The following STX1A variants were observed in gnomAD, a reference collection of about 807,000 sequenced individuals.
STX1A encodes syntaxin 1A.
STX1A carries 4 observed loss-of-function variants against 37.8 expected under a neutral mutation model. The ratio of observed to expected loss-of-function variants is 0.11; its 90% CI spans 0.05 to 0.24. The LOEUF (loss-of-function observed/expected upper bound fraction) is 0.24. Ranked by LOEUF, STX1A falls within the 10% of genes least tolerant of loss-of-function variation. The pLI is 1.00. For synonymous variants in STX1A, 135 were observed against 147.4 expected (o/e 0.92, Z 0.61); for missense variants, 251 against 399.9 (o/e 0.63, Z 3.18).
intron 7 of STX1A, 89 bp downstream of exon 7, chr7:73,703,666 C>T (rs1798750778): frequency 3.4e-6 from 5 of 1,468,470 alleles, no homozygotes; most frequent in Middle Eastern, 1.8e-4. Context: ...GGTCTGTGTC[C>T]AAATACTGTC....
chr7:73,700,926 C>T lies in STX1A; in HGVS notation c.679-86G>A. The stretch of plus-strand genomic sequence containing the variant: ...CGGGGCAGGACTTCAGGAAAGCACC[C>T]TGAGGCTAGAGACAAAAAGGGGGCG... On this transcript the variant is annotated intron_variant, in intron 8 of 9. Transcript: ENST00000222812. The surrounding 1 kb of genome is among the most constrained non-coding windows in gnomAD (Gnocchi z 4.4). 7 of 1,581,248 alleles carry T rather than the reference C, an allele frequency of 4.4e-6. No homozygotes were observed. Among genetic ancestry groups the T allele is most frequent in the Non-Finnish European group, 6.0e-6 (7 of 1,168,570 alleles).
chr7:73,703,086 G>A (rs1007276475), intron 7 of STX1A, 104 bp from the exon 8 acceptor site: 22 of 929,584 alleles, frequency 2.4e-5, no homozygotes, highest in Middle Eastern at 6.2e-4. Flanking sequence ...TCCGGAAGGG[G>A]GCCTGAGGCT....
At chr7:73,718,718 G>A (rs906912790) in intron 1 of STX1A, among the ~76,000 whole-genome samples, 4 of 152,074 alleles carry the variant, frequency 2.6e-5, no homozygotes, top group East Asian at 1.9e-4. Context: ...CAGAGGCCAG[G>A]GGAAGGGGAC....
chr7:73,702,742 T>G lies in STX1A; in HGVS notation c.678+103A>C, dbSNP rs1554616073. 6.3e-7 allele frequency: 1 copy of G among 1,582,302 alleles called. No individual in the cohort carries two copies. The highest frequency in any genetic ancestry group is 1.7e-5 in the Admixed American group (1 of 57,612). On this transcript the variant is annotated intron_variant, in intron 8 of 9. Coordinates refer to ENST00000222812, the MANE Select transcript of STX1A (RefSeq NM_004603.4). The surrounding 1 kb of genome is among the most constrained non-coding windows in gnomAD (Gnocchi z 4.7). ...GGTGATTGGTTACCTGAGAACTTGG[T>G]CCCTCCCCGGCAGGGCAGCGTGTCG...
chr7:73,708,290 GAAA>G (rs145729144), intron 3 of STX1A, among the ~76,000 whole-genome samples: 1 of 147,572 alleles, frequency 6.8e-6, no homozygotes, highest in Non-Finnish European at 1.5e-5. Flanking sequence ...AAGAAAAAAA[GAAA>G]AAAAAGGCCA....
rs1799341277 is a variant in STX1A, at chr7:73,717,779, G to A, written c.30+1823C>T. ...GGGCGAGGAGGTAGTAACAGAGACA[G>A]ACATCAGAGCAAAAAGATCTGGGTT... On this transcript the variant is annotated intron_variant, in intron 1 of 9. Coordinates refer to ENST00000222812, the MANE Select transcript of STX1A (RefSeq NM_004603.4). The surrounding 1 kb of genome is among the most constrained non-coding windows in gnomAD (Gnocchi z 4.1). Among the ~76,000 whole-genome samples, 1 of 152,184 alleles carries A rather than the reference G, an allele frequency of 6.6e-6. No individual in the cohort carries two copies. The highest frequency in any genetic ancestry group is 2.1e-4 in the South Asian group (1 of 4,834).
rs574211607 is a variant in STX1A at position 73,708,843 on chromosome 7, C to T, written c.109-155G>A. 8.5e-5 allele frequency among the ~76,000 whole-genome samples: 13 copies of T among 152,240 alleles called. No individual in the cohort carries two copies. In the East Asian group the frequency reaches 2.5e-3, roughly 29 times the overall value. ...TGCAGTGGGGGTGCATCCTTCCAGA[C>T]CCAGATGGGGAGGAGTGTGATCCCA... On this transcript the variant is annotated intron_variant, in intron 2 of 9. Coordinates refer to ENST00000222812, the MANE Select transcript of STX1A (RefSeq NM_004603.4).
At chr7:73,716,753 C>T (rs1452374910) in intron 1 of STX1A, 1 of 152,328 alleles carries the variant, frequency 6.6e-6, no homozygotes, top group Non-Finnish European at 1.5e-5. Context: ...TAGACAAATA[C>T]ATGTTCTGGG....
intron 7 of STX1A, 24 bp from the exon 8 acceptor site, chr7:73,703,006 G>A: frequency 6.4e-7 from 1 of 1,569,612 alleles, no homozygotes. Context: ...CAGGGGGCTG[G>A]GACCCAGAGG....
chr7:73,707,478 G>C (rs1354697464), intron 3 of STX1A, among the ~76,000 whole-genome samples: 9 of 152,176 alleles, frequency 5.9e-5, no homozygotes, highest in African/African-American at 2.2e-4. Flanking sequence ...GCTGCCATCT[G>C]CTCCCCTGGG....
At chr7:73,710,245 AGC>A (rs1799050270) in intron 1 of STX1A, among the ~76,000 whole-genome samples, 1 of 152,252 alleles carries the variant, frequency 6.6e-6, no homozygotes, top group South Asian at 2.1e-4. Context: ...CTGACTTCCC[AGC>A]ATGCTGCGCA....
intron 1 of STX1A, among the ~76,000 whole-genome samples, chr7:73,710,228 C>T (rs10229375): frequency 0.086 from 13,090 of 152,330 alleles, 590 homozygotes; most frequent in African/African-American, 0.095. Flanking sequence ...CAGGGGTAAT[C>T]ATACTTCTGA....
chr7:73,712,053 G>T (rs1554618046), intron 1 of STX1A, among the ~76,000 whole-genome samples: 1 of 152,054 alleles, frequency 6.6e-6, no homozygotes, highest in African/African-American at 2.4e-5. Flanking sequence ...GGTAGGGCTG[G>T]GGAAAGGGAG....
At chr7:73,711,804 C>T (rs80042768) in intron 1 of STX1A, among the ~76,000 whole-genome samples, 31 of 152,162 alleles carry the variant, frequency 2.0e-4, no homozygotes, top group Non-Finnish European at 2.1e-4. Context: ...CAGAGACGAG[C>T]GTCACTGCCA....
At chr7:73,701,635 C>T (rs941267530) in intron 8 of STX1A, among the ~76,000 whole-genome samples, 4 of 152,182 alleles carry the variant, frequency 2.6e-5, no homozygotes, top group African/African-American at 7.2e-5. Flanking sequence ...CATGACACTG[C>T]CCCACAAGAC....
rs1554617702 is a variant in STX1A, at chr7:73,709,963, C to T, written c.31-841G>A. Among the ~76,000 whole-genome samples the T allele has an allele frequency of 6.6e-6, 1 of 152,166 alleles. No individual in the cohort carries two copies. The highest frequency in any genetic ancestry group is 6.5e-5 in the Admixed American group (1 of 15,272). Reference sequence around the variant, plus strand: ...CCCAGGCTGGTCTTGAACTCCTGGCCTCAAGCGATCCTCCTGCCTCAGCCT... The same window carrying T: ...CCCAGGCTGGTCTTGAACTCCTGGCTTCAAGCGATCCTCCTGCCTCAGCCT... On this transcript the variant is annotated intron_variant, in intron 1 of 9. Transcript: ENST00000222812. This position sits in a 1 kb window ranked among gnomAD's most constrained non-coding sequence, Gnocchi z 4.2.
rs2116720765 is a variant in STX1A at position 73,699,690 on chromosome 7, C to A, written c.*717G>T. The A allele has an allele frequency of 6.5e-6, 1 of 153,090 alleles. No individual in the cohort carries two copies. The highest frequency in any genetic ancestry group is 2.1e-4 in the South Asian group (1 of 4,846). The allele number at this position is 153,090 out of a possible 1,614,324, so 9.5% of individuals were successfully genotyped here. A position where few individuals can be genotyped will look rare whatever the true frequency, so the allele number is the denominator to read the frequency against. On this transcript the variant is annotated 3_prime_UTR_variant, in exon 10 of 10. Transcript: ENST00000222812. ...GGCTTGAGGGACTGACTGCAGCCTGCTTTGCCTCCCTAGCTGCTGGGGTGG... is the reference window on the plus strand; with the variant it reads ...GGCTTGAGGGACTGACTGCAGCCTGATTTGCCTCCCTAGCTGCTGGGGTGG...
At chr7:73,708,825 G>A (rs1798986500) in intron 2 of STX1A, 137 bp from the exon 3 acceptor site, 1 of 967,662 alleles carries the variant, frequency 1.0e-6, no homozygotes, top group African/African-American at 1.6e-5. Flanking sequence ...GGGTGCAGTG[G>A]GGGTGCATCC....
At position 73,705,053 on chromosome 7, in the gene STX1A, C is replaced by A; in HGVS notation, c.283+97G>T. 1 of 1,184,168 alleles carries A rather than the reference C, an allele frequency of 8.4e-7. No individual in the cohort carries two copies. The highest frequency in any genetic ancestry group is 1.3e-6 in the Non-Finnish European group (1 of 794,584). The allele number at this position is 1,184,168 out of a possible 1,614,324, so 73.4% of individuals were successfully genotyped here. A position where few individuals can be genotyped will look rare whatever the true frequency, so the allele number is the denominator to read the frequency against. On this transcript the variant is annotated intron_variant, in intron 4 of 9. Coordinates refer to ENST00000222812, the MANE Select transcript of STX1A (RefSeq NM_004603.4). This position sits in a 1 kb window ranked among gnomAD's most constrained non-coding sequence, Gnocchi z 5.2. ...CCACCCTCAGAAAGGAAAGCAAGATCCGGCGCACCCCCTCAGGGCGAGCAA... is the reference window on the plus strand; with the variant it reads ...CCACCCTCAGAAAGGAAAGCAAGATACGGCGCACCCCCTCAGGGCGAGCAA...
Sources: gnomAD v4.1 joint callset for allele counts (sites outside exome capture counted in the v4.1 genomes callset) on GRCh38, gnomAD v4.1.1 for gene constraint, Gnocchi (gnomAD v3.1) non-coding constraint, MANE v1.5 for transcripts, NCBI Gene and HGNC (gene_info 2026-07-23, HGNC 2026-07-21) for gene names.